DACH2: variants seen among roughly 807,000 people sequenced by gnomAD.
The protein encoded by DACH2 is dachshund homolog 2.
In DACH2, 17 loss-of-function variants were observed where a neutral mutation model predicts 35.8. That is an observed-to-expected ratio of 0.48 (90% CI 0.33 to 0.71). DACH2 has a LOEUF of 0.71. Among genes scored for constraint, DACH2 ranks in the 30% least tolerant of loss-of-function variants. DACH2 has a pLI of 0.02. For missense variants in DACH2, 469 were observed against 472.7 expected (o/e 0.99, Z 0.07); for synonymous variants, 195 against 177.3 (o/e 1.10, Z -0.79).
intron 7 of DACH2, among the ~76,000 whole-genome samples, chrX:86,751,817 G>T (rs920759551): frequency 1.8e-5 from 2 of 111,581 alleles, no homozygotes; most frequent in Non-Finnish European, 3.8e-5. Context: ...ATTCACAAAA[G>T]CAAAAATATG....
chrX:86,184,334 A>T (rs1298850154), intron 1 of DACH2: 1 of 140,343 alleles, frequency 7.1e-6, no homozygotes, highest in African/African-American at 3.3e-5. Context: ...CAGCCTCCCG[A>T]GTAGCTGGAA....
At chrX:86,545,661 G>A (rs953304872) in intron 3 of DACH2, among the ~76,000 whole-genome samples, 5 of 111,873 alleles carry the variant, frequency 4.5e-5, no homozygotes, top group Non-Finnish European at 7.5e-5. Context: ...TTTCATAAAG[G>A]TCAAATGTTT....
chrX:86,401,617 G>A (rs1463251691), intron 2 of DACH2, among the ~76,000 whole-genome samples: 1 of 109,669 alleles, frequency 9.1e-6, no homozygotes, highest in African/African-American at 3.3e-5. Context: ...AAAGTGGCAT[G>A]AGAATATTTA....
In DACH2 at chrX:86,418,676, C is replaced by T. The variant is rs193008326; in HGVS notation, c.527+41814C>T. Among the ~76,000 whole-genome samples, 4 of 111,092 alleles carry T rather than the reference C, an allele frequency of 3.6e-5. No individual in the cohort carries two copies. The East Asian group carries it at 8.6e-4, about 24-fold the overall frequency. ...TTATTTTCCAAGGCCTCTTGGTCTG[C>T]GATGGGAGGTGCTGCTGTGAAAACC... On this transcript the variant is annotated intron_variant, in intron 2 of 11. Transcript: ENST00000373125.
intron 6 of DACH2, among the ~76,000 whole-genome samples, chrX:86,722,152 A>G (rs752924277): frequency 1.3e-4 from 14 of 111,845 alleles, no homozygotes; most frequent in Admixed American, 9.5e-4. Context: ...TCCAGTCAGT[A>G]TGATACTGGT....
At chrX:86,482,746 G>A (rs751464025) in intron 2 of DACH2, among the ~76,000 whole-genome samples, 2 of 109,535 alleles carry the variant, frequency 1.8e-5, no homozygotes, top group African/African-American at 3.3e-5. Flanking sequence ...GTGTGAGATG[G>A]TATCTCATTG....
intron 2 of DACH2, among the ~76,000 whole-genome samples, chrX:86,412,923 G>A (rs1315049338): frequency 9.0e-6 from 1 of 111,315 alleles, no homozygotes; most frequent in Non-Finnish European, 1.9e-5. Flanking sequence ...AAGTGGGCTC[G>A]AGTAATATAC....
At chrX:86,425,974 G>C (rs779178134) in intron 2 of DACH2, among the ~76,000 whole-genome samples, 3 of 111,063 alleles carry the variant, frequency 2.7e-5, no homozygotes, top group Non-Finnish European at 5.7e-5. Flanking sequence ...ACTCCTTTAG[G>C]ATGAAAAATT....
intron 3 of DACH2, among the ~76,000 whole-genome samples, chrX:86,530,757 A>G (rs2038707313): frequency 8.9e-6 from 1 of 112,313 alleles, no homozygotes; most frequent in Non-Finnish European, 1.9e-5. Flanking sequence ...GGAACTGGAT[A>G]AGGGGAAGAG....
chrX:86,288,288 C>CAT (rs2034195364), intron 1 of DACH2, among the ~76,000 whole-genome samples: 1 of 111,378 alleles, frequency 9.0e-6, no homozygotes, highest in Non-Finnish European at 1.9e-5. Context: ...GGTGGAGTGA[C>CAT]AACTACCTCT....
At chrX:86,808,645 C>CA (rs56053664) in intron 7 of DACH2, among the ~76,000 whole-genome samples, 331 of 85,262 alleles carry the variant, frequency 3.9e-3, no homozygotes, top group East Asian at 0.03. Context: ...ATGACATTGC[C>CA]AAAAAAAAAA....
At chrX:86,289,580 C>A (rs1267015106) in intron 1 of DACH2, among the ~76,000 whole-genome samples, 1 of 68,164 alleles carries the variant, frequency 1.5e-5, no homozygotes, top group Non-Finnish European at 2.6e-5. Context: ...CCTCCCCCCA[C>A]CCCACAACAG....
At chrX:86,431,041 T>C (rs909710651) in intron 2 of DACH2, among the ~76,000 whole-genome samples, 5 of 112,104 alleles carry the variant, frequency 4.5e-5, no homozygotes, top group East Asian at 5.6e-4. Flanking sequence ...GTTTTGTATT[T>C]TATTTATTGA....
chrX:86,637,619 C>T (rs1283755913), intron 3 of DACH2, among the ~76,000 whole-genome samples: 1 of 111,534 alleles, frequency 9.0e-6, no homozygotes, highest in Admixed American at 9.6e-5. Context: ...CAAACTAATG[C>T]AGGAGCAGAA....
intron 7 of DACH2, among the ~76,000 whole-genome samples, chrX:86,790,839 G>A (rs756759090): frequency 9.0e-6 from 1 of 111,349 alleles, no homozygotes; most frequent in Admixed American, 9.6e-5. Context: ...ACCATGCCTG[G>A]CCACATGTAT....
At chrX:86,376,941 A>C (rs2035977451) in intron 2 of DACH2, 79 bp downstream of exon 2, 1 of 472,705 alleles carries the variant, frequency 2.1e-6, no homozygotes. Flanking sequence ...ACACTTTCAT[A>C]ATCTTGTTCC....
At chrX:86,643,142 C>G (rs2040367613) in intron 3 of DACH2, among the ~76,000 whole-genome samples, 1 of 103,643 alleles carries the variant, frequency 9.6e-6, no homozygotes, top group Admixed American at 1.1e-4. Flanking sequence ...CCCATAAAAG[C>G]CATTCAAAAG....
intron 1 of DACH2, among the ~76,000 whole-genome samples, chrX:86,309,763 G>A (rs915347247): frequency 8.9e-6 from 1 of 112,195 alleles, no homozygotes; most frequent in Non-Finnish European, 1.9e-5. Context: ...CAAGAAAGAG[G>A]CACAATGCCT....
At chrX:86,651,288 G>A in intron 4 of DACH2, 121 bp downstream of exon 4, 1 of 705,227 alleles carries the variant, frequency 1.4e-6, no homozygotes, top group Non-Finnish European at 2.0e-6. Context: ...AGATACTCAA[G>A]AGGGATGATT....
Sources: allele counts gnomAD v4.1 joint callset (sites outside exome capture counted in the v4.1 genomes callset), GRCh38; gene constraint gnomAD v4.1.1; transcripts MANE v1.5; gene names NCBI Gene and HGNC (gene_info 2026-07-23, HGNC 2026-07-21).